The following GRIK2 variants were observed in gnomAD, a reference collection of about 807,000 sequenced individuals.
The protein encoded by GRIK2 is glutamate receptor ionotropic, kainate 2.
A neutral mutation model predicts 100.3 loss-of-function variants in GRIK2; 32 were observed. The ratio of observed to expected loss-of-function variants is 0.32; its 90% CI spans 0.24 to 0.43. The LOEUF is 0.43. Among genes scored for constraint, GRIK2 ranks in the 20% least tolerant of loss-of-function variants. The pLI, the probability that GRIK2 is intolerant of heterozygous loss-of-function variation, is 1.00. For missense variants in GRIK2, 843 were observed against 1,114.9 expected (o/e 0.76, Z 3.47); for synonymous variants, 417 against 389.4 (o/e 1.07, Z -0.83).
intron 2 of GRIK2, 142 bp downstream of exon 2, chr6:101,399,534 A>T: frequency 3.3e-6 from 2 of 599,882 alleles, no homozygotes; most frequent in Admixed American, 3.0e-5. Flanking sequence ...CTTTTAAAGA[A>T]CTCCTTGTGC....
intron 12 of GRIK2, among the ~76,000 whole-genome samples, chr6:101,918,950 A>G (rs1022978303): frequency 1.3e-5 from 2 of 151,614 alleles, no homozygotes; most frequent in African/African-American, 4.8e-5. Flanking sequence ...ACACTATGGA[A>G]TTTCAGAAAG....
intron 4 of GRIK2, among the ~76,000 whole-genome samples, chr6:101,662,921 T>A (rs1461996340): frequency 6.6e-6 from 1 of 152,138 alleles, no homozygotes. Context: ...CCTGATACAT[T>A]TACATCTTTT....
At position 101,796,877 on chromosome 6, in the gene GRIK2, A is replaced by T. The variant is rs1487224976; in HGVS notation, c.952-2771A>T. Among the ~76,000 whole-genome samples, 3 of 152,214 alleles carry T rather than the reference A, an allele frequency of 2.0e-5. No homozygotes were observed. In the South Asian group the frequency reaches 6.2e-4, roughly 32 times the overall value. On this transcript the variant is annotated intron_variant, in intron 7 of 16. Transcript: ENST00000369134. ...TCTTATAGTTTAATAATATTATCTA[A>T]TTTTTATAATTGTACTTAAAATAAC...
At chr6:101,683,863 T>G (rs2128342929) in intron 6 of GRIK2, among the ~76,000 whole-genome samples, 1 of 152,280 alleles carries the variant, frequency 6.6e-6, no homozygotes. Context: ...ACCAACAAAA[T>G]TTTACTGATT....
chr6:101,955,338 A>T (rs1791848010), intron 14 of GRIK2, among the ~76,000 whole-genome samples: 1 of 152,102 alleles, frequency 6.6e-6, no homozygotes, highest in African/African-American at 2.4e-5. Context: ...CTAAGCTTTT[A>T]TCTCCAGGAA....
At chr6:101,491,787 C>G (rs1214917550) in intron 2 of GRIK2, among the ~76,000 whole-genome samples, 1 of 151,868 alleles carries the variant, frequency 6.6e-6, no homozygotes, top group Admixed American at 6.6e-5. Flanking sequence ...TTATCTCATG[C>G]TAATCTACAT....
chr6:101,696,057 T>G (rs1772463344), intron 7 of GRIK2, among the ~76,000 whole-genome samples: 1 of 152,050 alleles, frequency 6.6e-6, no homozygotes, highest in Admixed American at 6.6e-5. Flanking sequence ...TTGGTATATT[T>G]TTGTTATTAA....
At chr6:101,983,554 T>A (rs1204160809) in intron 14 of GRIK2, among the ~76,000 whole-genome samples, 2 of 151,802 alleles carry the variant, frequency 1.3e-5, no homozygotes, top group Non-Finnish European at 2.9e-5. Flanking sequence ...ATTGAATTTC[T>A]AATGTTAAAT....
At chr6:101,772,499 C>A (rs1042537806) in intron 7 of GRIK2, among the ~76,000 whole-genome samples, 4 of 152,080 alleles carry the variant, frequency 2.6e-5, no homozygotes, top group Non-Finnish European at 4.4e-5. Flanking sequence ...GAGTCTTTCA[C>A]ATGGATCAGT....
At chr6:101,610,837 A>T (rs1779639822) in intron 2 of GRIK2, among the ~76,000 whole-genome samples, 1 of 151,702 alleles carries the variant, frequency 6.6e-6, no homozygotes, top group African/African-American at 2.4e-5. Context: ...AATAGTTGGT[A>T]TTATTTATAC....
chr6:101,671,443 T>G (rs1770426035), intron 4 of GRIK2, among the ~76,000 whole-genome samples: 1 of 152,160 alleles, frequency 6.6e-6, no homozygotes, highest in African/African-American at 2.4e-5. Flanking sequence ...ATAAGTCTCT[T>G]TACTATTTAG....
chr6:101,747,814 A>T (rs1212298309), intron 7 of GRIK2, among the ~76,000 whole-genome samples: 1 of 152,062 alleles, frequency 6.6e-6, no homozygotes, highest in Non-Finnish European at 1.5e-5. Flanking sequence ...GCCATCTTTG[A>T]GGTCACAGCT....
chr6:101,609,173 C>G (rs928187277), intron 2 of GRIK2, among the ~76,000 whole-genome samples: 5 of 151,694 alleles, frequency 3.3e-5, no homozygotes, highest in African/African-American at 1.2e-4. Flanking sequence ...TTTCCACAAT[C>G]AGTTTTTGAG....
intron 14 of GRIK2, among the ~76,000 whole-genome samples, chr6:101,957,372 T>C (rs1469188756): frequency 6.6e-6 from 1 of 151,984 alleles, no homozygotes; most frequent in African/African-American, 2.4e-5. Context: ...TTGAGTTCTT[T>C]GTAAATTCTG....
chr6:101,743,056 G>A lies in GRIK2; in HGVS notation c.952-56592G>A, dbSNP rs182529630. Among the ~76,000 whole-genome samples, 475 of 152,240 alleles carry A rather than the reference G, an allele frequency of 3.1e-3. 1 individual carries two copies. The highest frequency in any genetic ancestry group is 4.7e-3 in the Non-Finnish European group (323 of 68,018). On this transcript the variant is annotated intron_variant, in intron 7 of 16. Coordinates refer to ENST00000369134, the MANE Select transcript of GRIK2 (RefSeq NM_021956.5). ...TAGTCAAGCTTCGTGGCTCTTTACG[G>A]GAATCATGTTTACAAAATGGTATTT...
At chr6:101,607,221 C>CA (rs1193033292) in intron 2 of GRIK2, among the ~76,000 whole-genome samples, 1 of 151,934 alleles carries the variant, frequency 6.6e-6, no homozygotes, top group African/African-American at 2.4e-5. Context: ...ATAGTGCTTG[C>CA]ATTTATTCTT....
intron 2 of GRIK2, among the ~76,000 whole-genome samples, chr6:101,501,109 G>A (rs549816432): frequency 6.6e-6 from 1 of 152,006 alleles, no homozygotes; most frequent in Non-Finnish European, 1.5e-5. Context: ...CAAATCCCTT[G>A]ACAAGCATAT....
intron 4 of GRIK2, among the ~76,000 whole-genome samples, chr6:101,663,772 G>A (rs576577829): frequency 6.6e-6 from 1 of 152,080 alleles, no homozygotes; most frequent in Admixed American, 6.5e-5. Flanking sequence ...GTTTGTGTAG[G>A]TGTCTGTGTG....
chr6:101,993,632 A>G (rs1378459707), intron 14 of GRIK2: 1 of 150,712 alleles, frequency 6.6e-6, no homozygotes, highest in Non-Finnish European at 1.5e-5. Flanking sequence ...ATAATGCCAT[A>G]GTTCTATGAG....
Sources: gnomAD v4.1 joint callset for allele counts (sites outside exome capture counted in the v4.1 genomes callset) on GRCh38, gnomAD v4.1.1 for gene constraint, MANE v1.5 for transcripts, NCBI Gene and HGNC (gene_info 2026-07-23, HGNC 2026-07-21) for gene names.